Variants in TENM4 observed in about 807,000 individuals in gnomAD.
The protein encoded by TENM4 is teneurin-4.
Under a neutral mutation model 243.3 loss-of-function variants are expected in TENM4, and 82 were observed. The ratio of observed to expected loss-of-function variants is 0.34; its 90% CI spans 0.28 to 0.40. The LOEUF is 0.40. TENM4 is among the 10% of genes least tolerant of loss of function. The pLI, the probability that TENM4 is intolerant of heterozygous loss-of-function variation, is 1.00. For missense variants in TENM4, 3,138 were observed against 3,673.3 expected (o/e 0.85, Z 3.77); for synonymous variants, 1,412 against 1,456.3 (o/e 0.97, Z 0.69).
chr11:79,236,788 C>G (rs896237086), intron 2 of TENM4, among the ~76,000 whole-genome samples: 25 of 152,136 alleles, frequency 1.6e-4, no homozygotes, highest in African/African-American at 6.0e-4. Context: ...GCAAATGCAC[C>G]CACAGGATTG....
At chr11:79,318,537 G>A (rs938886257) in intron 1 of TENM4, among the ~76,000 whole-genome samples, 13 of 152,142 alleles carry the variant, frequency 8.5e-5, no homozygotes, top group African/African-American at 3.1e-4. Flanking sequence ...ACCATGGCTG[G>A]TTTCAAGCTA....
rs1490973562 is a variant in TENM4, at chr11:78,954,086, G to A, written c.494-50563C>T. On this transcript the variant is annotated intron_variant, in intron 6 of 33. Transcript: ENST00000278550. ...AATGGCAGTTCAGAAGGAGAGGAAG[G>A]GAAGGGAGAAAAGGAAGCCACAAAG... Among the ~76,000 whole-genome samples the A allele has an allele frequency of 2.0e-5, 3 of 152,200 alleles. 1 individual carries two copies. The highest frequency in any genetic ancestry group is 1.5e-5 in the Non-Finnish European group (1 of 68,046).
At chr11:79,251,960 C>A (rs1855618524) in intron 2 of TENM4, among the ~76,000 whole-genome samples, 3 of 152,082 alleles carry the variant, frequency 2.0e-5, no homozygotes, top group Middle Eastern at 3.4e-3. Flanking sequence ...GAAAATATGA[C>A]TGATCTGTCA....
chr11:79,363,574 C>T (rs1424166572), intron 1 of TENM4, among the ~76,000 whole-genome samples: 2 of 152,282 alleles, frequency 1.3e-5, no homozygotes, highest in East Asian at 1.9e-4. Flanking sequence ...ACACTTATCT[C>T]CCAGAGGCAA....
At chr11:78,793,103 C>A (rs1242967345) in intron 15 of TENM4, among the ~76,000 whole-genome samples, 1 of 152,176 alleles carries the variant, frequency 6.6e-6, no homozygotes, top group Non-Finnish European at 1.5e-5. Context: ...GGACCTATCG[C>A]TGCTACGTTT....
chr11:79,349,115 G>A (rs1188213285), intron 1 of TENM4, among the ~76,000 whole-genome samples: 2 of 152,098 alleles, frequency 1.3e-5, no homozygotes, highest in African/African-American at 4.8e-5. Context: ...CCCTCCACCG[G>A]CTGGGGAAGG....
rs1857337958 is a variant in TENM4 at position 79,347,076 on chromosome 11, G to A, written c.-320-49533C>T. Among the ~76,000 whole-genome samples, 2 of 152,146 alleles carry A rather than the reference G, an allele frequency of 1.3e-5. 1 individual carries two copies. The highest frequency in any genetic ancestry group is 4.1e-4 in the South Asian group (2 of 4,824). On this transcript the variant is annotated intron_variant, in intron 1 of 33. Coordinates refer to ENST00000278550, the MANE Select transcript of TENM4 (RefSeq NM_001098816.3). ...CATCACTAGGGATGCATCTTACTTAGAAACTGTTCTTTCGCTTCCAAAATC... is the reference window on the plus strand; with the variant it reads ...CATCACTAGGGATGCATCTTACTTAAAAACTGTTCTTTCGCTTCCAAAATC...
At chr11:78,964,116 C>T (rs1489530821) in intron 6 of TENM4, among the ~76,000 whole-genome samples, 2 of 148,664 alleles carry the variant, frequency 1.3e-5, no homozygotes, top group Admixed American at 1.4e-4. Context: ...GATCTTGGCT[C>T]ACTGCGTCGT....
intron 12 of TENM4, among the ~76,000 whole-genome samples, chr11:78,816,283 G>A (rs1347974186): frequency 2.0e-5 from 3 of 152,222 alleles, no homozygotes; most frequent in Non-Finnish European, 4.4e-5. Flanking sequence ...TTCTCTTGCT[G>A]TCTGCACGAG....
intron 8 of TENM4, 106 bp downstream of exon 8, chr11:78,891,132 G>T: frequency 9.8e-7 from 1 of 1,016,774 alleles, no homozygotes; most frequent in Non-Finnish European, 1.5e-6. Flanking sequence ...ATGCCACATG[G>T]ATCACCTCCC....
chr11:79,018,619 G>C (rs1858841163), intron 6 of TENM4, among the ~76,000 whole-genome samples: 1 of 152,172 alleles, frequency 6.6e-6, no homozygotes, highest in South Asian at 2.1e-4. Flanking sequence ...CGGTAGGAAA[G>C]AGTGGTCAGA....
chr11:79,038,111 C>G (rs1218554033), intron 6 of TENM4, among the ~76,000 whole-genome samples: 1 of 152,244 alleles, frequency 6.6e-6, no homozygotes, highest in Non-Finnish European at 1.5e-5. Flanking sequence ...CCTGAGACAT[C>G]TGTTTTGTTC....
At chr11:78,818,447 G>A (rs1160719256) in intron 12 of TENM4, among the ~76,000 whole-genome samples, 1 of 152,202 alleles carries the variant, frequency 6.6e-6, no homozygotes, top group Non-Finnish European at 1.5e-5. Flanking sequence ...CTTGCCCCAG[G>A]CTACTGGTGT....
At chr11:79,398,386 A>T (rs1057437847) in intron 1 of TENM4, among the ~76,000 whole-genome samples, 7 of 152,144 alleles carry the variant, frequency 4.6e-5, no homozygotes, top group African/African-American at 1.7e-4. Context: ...CTTACCTCTC[A>T]GGGTCCTGAG....
rs576970010 is a variant in TENM4, at chr11:78,665,146, T to A, written c.7409-3555A>T. ...ACAATAATCTCCTTCCTTCCTTCCTTCTTTCTTTTCTTTTCTTTCTTTCTC... is the reference window on the plus strand; with the variant it reads ...ACAATAATCTCCTTCCTTCCTTCCTACTTTCTTTTCTTTTCTTTCTTTCTC... On this transcript the variant is annotated intron_variant, in intron 32 of 33. Transcript: ENST00000278550. Among the ~76,000 whole-genome samples the A allele has an allele frequency of 5.1e-4, 77 of 152,022 alleles. 2 individuals carry two copies. In the South Asian group the frequency reaches 0.015, roughly 30 times the overall value.
chr11:78,905,490 C>G (rs1856041526), intron 6 of TENM4, among the ~76,000 whole-genome samples: 2 of 152,176 alleles, frequency 1.3e-5, no homozygotes, highest in Non-Finnish European at 2.9e-5. Context: ...CGGCATAAAG[C>G]CCACACCTGG....
chr11:78,678,095 A>T (rs1590933945), intron 29 of TENM4, among the ~76,000 whole-genome samples: 1 of 23,642 alleles, frequency 4.2e-5, no homozygotes, highest in Admixed American at 4.4e-4. Flanking sequence ...CCTACAAAGG[A>T]TATGAACTCA....
chr11:79,205,892 C>A (rs1863841927), intron 3 of TENM4, among the ~76,000 whole-genome samples: 1 of 152,160 alleles, frequency 6.6e-6, no homozygotes, highest in Non-Finnish European at 1.5e-5. Flanking sequence ...AATGTTGAAC[C>A]AACTCCATGC....
At chr11:78,899,563 G>T (rs868737541) in intron 7 of TENM4, among the ~76,000 whole-genome samples, 4 of 136,206 alleles carry the variant, frequency 2.9e-5, no homozygotes, top group Non-Finnish European at 4.8e-5. Flanking sequence ...AAAAAGCGGG[G>T]GGGGGGGGAA....
Sources: gnomAD v4.1 joint callset for allele counts (sites outside exome capture counted in the v4.1 genomes callset) on GRCh38, gnomAD v4.1.1 for gene constraint, MANE v1.5 for transcripts, NCBI Gene and HGNC (gene_info 2026-07-23, HGNC 2026-07-21) for gene names.